Variants in KCNB2 observed in about 807,000 individuals in gnomAD.
KCNB2 encodes potassium voltage-gated channel subfamily B member 2.
In KCNB2, 15 loss-of-function variants were observed where a neutral mutation model predicts 61.5. The observed-to-expected ratio is 0.24, with a 90% CI of 0.16 to 0.38. The LOEUF (loss-of-function observed/expected upper bound fraction) is 0.38, where lower values mean the gene tolerates loss of function less well. KCNB2 is among the 10% of genes least tolerant of loss of function. The probability of loss-of-function intolerance (pLI) is 1.00; values close to 1 mark genes in which losing one functional copy is unlikely to be tolerated. For missense variants in KCNB2, 828 were observed against 1,125.2 expected, an observed-to-expected ratio of 0.74 and a Z score of 3.78; for synonymous variants, 457 against 446.0, an observed-to-expected ratio of 1.02 and a Z score of -0.31.
At chr8:72,621,773 A>G (rs932778296) in intron 2 of KCNB2, among the ~76,000 whole-genome samples, 2 of 152,228 alleles carry the variant, frequency 1.3e-5, no homozygotes, top group African/African-American at 4.8e-5. Flanking sequence ...AATGAATTAC[A>G]CAAGTAAAAT....
At chr8:72,611,900 G>C (rs1805548433) in intron 2 of KCNB2, among the ~76,000 whole-genome samples, 1 of 151,916 alleles carries the variant, frequency 6.6e-6, no homozygotes, top group African/African-American at 2.4e-5. Context: ...AATAGGATTT[G>C]TGACAAGGAC....
intron 2 of KCNB2, among the ~76,000 whole-genome samples, chr8:72,811,275 T>TA (rs1417579553): frequency 6.6e-6 from 1 of 151,974 alleles, no homozygotes; most frequent in Non-Finnish European, 1.5e-5. Context: ...TTCATTTTTT[T>TA]AAAACATGTA....
chr8:72,824,616 C>T (rs2129001383), intron 2 of KCNB2, among the ~76,000 whole-genome samples: 1 of 152,300 alleles, frequency 6.6e-6, no homozygotes, highest in South Asian at 2.1e-4. Flanking sequence ...AATGCAGGCC[C>T]ATCCCAAAGA....
intron 2 of KCNB2, among the ~76,000 whole-genome samples, chr8:72,746,393 C>T (rs1295159909): frequency 2.0e-5 from 3 of 152,124 alleles, no homozygotes; most frequent in Admixed American, 2.0e-4. Flanking sequence ...TAAATAGAAC[C>T]TCAATGTCCT....
At chr8:72,573,567 C>A (rs955703112) in intron 2 of KCNB2, among the ~76,000 whole-genome samples, 2 of 151,982 alleles carry the variant, frequency 1.3e-5, no homozygotes, top group Non-Finnish European at 2.9e-5. Context: ...CATTGAGGCC[C>A]CTCTGTGTGC....
At chr8:72,547,927 G>A (rs1806284149) in intron 1 of KCNB2, among the ~76,000 whole-genome samples, 1 of 152,110 alleles carries the variant, frequency 6.6e-6, no homozygotes, top group South Asian at 2.1e-4. Context: ...ACACAACTGT[G>A]CAAACTTCAT....
chr8:72,820,947 C>T (rs2129001054), intron 2 of KCNB2, among the ~76,000 whole-genome samples: 1 of 152,320 alleles, frequency 6.6e-6, no homozygotes, highest in South Asian at 2.1e-4. Flanking sequence ...AAACCAAACA[C>T]ATTTTTCCTA....
At chr8:72,784,292 C>A (rs1031755151) in intron 2 of KCNB2, among the ~76,000 whole-genome samples, 1 of 152,116 alleles carries the variant, frequency 6.6e-6, no homozygotes, top group Non-Finnish European at 1.5e-5. Context: ...TGGTAACCAC[C>A]ATTCTACTCT....
intron 2 of KCNB2, among the ~76,000 whole-genome samples, chr8:72,626,726 A>G (rs1225261418): frequency 6.6e-6 from 1 of 152,246 alleles, no homozygotes; most frequent in Non-Finnish European, 1.5e-5. Flanking sequence ...TAATTCAGGC[A>G]GTCTGGTTGC....
intron 2 of KCNB2, among the ~76,000 whole-genome samples, chr8:72,709,289 T>C (rs1181910044): frequency 1.3e-5 from 2 of 152,256 alleles, no homozygotes; most frequent in East Asian, 3.9e-4. Flanking sequence ...TACATTGGCA[T>C]GTGGTAAGGA....
intron 2 of KCNB2, among the ~76,000 whole-genome samples, chr8:72,884,956 A>G (rs746509279): frequency 3.3e-5 from 5 of 152,192 alleles, no homozygotes; most frequent in Non-Finnish European, 5.9e-5. Flanking sequence ...TTCAATTGGA[A>G]TTACAGTTAT....
chr8:72,721,838 G>T (rs1228365221), intron 2 of KCNB2, among the ~76,000 whole-genome samples: 1 of 152,124 alleles, frequency 6.6e-6, no homozygotes, highest in African/African-American at 2.4e-5. Flanking sequence ...ATAGAAACTT[G>T]AACCAATGGT....
intron 2 of KCNB2, among the ~76,000 whole-genome samples, chr8:72,823,110 A>T (rs1809538518): frequency 6.6e-6 from 1 of 152,142 alleles, no homozygotes; most frequent in Non-Finnish European, 1.5e-5. Flanking sequence ...TGAGCAGGTC[A>T]TTTTGCAAAT....
chr8:72,789,132 T>C (rs184020042), intron 2 of KCNB2, among the ~76,000 whole-genome samples: 2 of 152,292 alleles, frequency 1.3e-5, no homozygotes, highest in East Asian at 3.9e-4. Context: ...AGTTGCAAAT[T>C]TAAATGCCAT....
intron 2 of KCNB2, among the ~76,000 whole-genome samples, chr8:72,629,443 T>C (rs1340533135): frequency 1.3e-5 from 2 of 152,200 alleles, no homozygotes; most frequent in Non-Finnish European, 2.9e-5. Flanking sequence ...AACAAACTTC[T>C]CTTCCAGAAT....
chr8:72,926,618 T>C (rs1411321482), intron 2 of KCNB2, among the ~76,000 whole-genome samples: 1 of 152,138 alleles, frequency 6.6e-6, no homozygotes, highest in Non-Finnish European at 1.5e-5. Context: ...TAAATGATGA[T>C]TTAAGTCAAG....
At chr8:72,632,822 A>G (rs564183344) in intron 2 of KCNB2, among the ~76,000 whole-genome samples, 3 of 152,290 alleles carry the variant, frequency 2.0e-5, no homozygotes, top group Non-Finnish European at 4.4e-5. Context: ...CCCGCCCAAT[A>G]TGGCAGCATT....
At chr8:72,790,628 A>G (rs891836616) in intron 2 of KCNB2, among the ~76,000 whole-genome samples, 2 of 152,168 alleles carry the variant, frequency 1.3e-5, no homozygotes, top group African/African-American at 2.4e-5. Flanking sequence ...GCCAGCAGGG[A>G]AGCAGGACCC....
In KCNB2 at chr8:72,737,598, A is replaced by T. The variant is rs551702826; in HGVS notation, c.579+169285A>T. ...GGCAAACTTCATGGCAGCATGGAAG[A>T]CATCATGATTGAGGTATTGAGTTGC... On this transcript the variant is annotated intron_variant, in intron 2 of 2. Transcript: ENST00000523207. Among the ~76,000 whole-genome samples the T allele has an allele frequency of 2.0e-5, 3 of 152,322 alleles. No homozygotes were observed. The South Asian group carries it at 6.2e-4, about 32-fold the overall frequency.
Sources: allele counts gnomAD v4.1 joint callset (sites outside exome capture counted in the v4.1 genomes callset), GRCh38; gene constraint gnomAD v4.1.1; transcripts MANE v1.5; gene names NCBI Gene and HGNC (gene_info 2026-07-23, HGNC 2026-07-21).